The following C20orf203 variants were observed in gnomAD, a reference collection of about 807,000 sequenced individuals.
The protein encoded by C20orf203 is uncharacterized protein C20orf203.
Under a neutral mutation model 15.9 loss-of-function variants are expected in C20orf203, and 16 were observed. The observed-to-expected ratio is 1.01, with a 90% CI of 0.68 to 1.53. The LOEUF is 1.53. Among genes scored for constraint, C20orf203 ranks in the 40% most tolerant of loss-of-function variants. C20orf203 has a pLI of 0.00. For synonymous variants in C20orf203, 98 were observed against 97.2 expected (o/e 1.01, Z -0.05); for missense variants, 263 against 247.5 (o/e 1.06, Z -0.42).
chr20:32,654,462 C>A (rs970551959), intron 1 of C20orf203, among the ~76,000 whole-genome samples: 1 of 152,164 alleles, frequency 6.6e-6, no homozygotes, highest in Non-Finnish European at 1.5e-5. Context: ...AAAATTCCAA[C>A]TTGGTTCTTT....
chr20:32,650,301 C>G lies in C20orf203; in HGVS notation c.*131G>C, dbSNP rs541360415. On this transcript the variant is annotated 3_prime_UTR_variant, in exon 4 of 6. Transcript: ENST00000608990. ...GAATCTCCTTGAGGTTTCAGCTGGG[C>G]GTGCCGGGCCCATCCCCCACTCTGG... 7 of 670,062 alleles carry G rather than the reference C, an allele frequency of 1.0e-5. No individual in the cohort carries two copies. Among genetic ancestry groups the G allele is most frequent in the African/African-American group, 7.3e-5 (4 of 54,888 alleles). The allele number at this position is 670,062 out of a possible 1,614,324, so 41.5% of individuals were successfully genotyped here.
intron 4 of C20orf203, among the ~76,000 whole-genome samples, chr20:32,648,506 C>A (rs1371135891): frequency 1.5e-5 from 2 of 134,754 alleles, no homozygotes; most frequent in African/African-American, 5.6e-5. Flanking sequence ...AGTAGTGTGA[C>A]GGTGGCTCAC....
chr20:32,670,057 C>T (rs1000573376), intron 1 of C20orf203, among the ~76,000 whole-genome samples: 4 of 152,112 alleles, frequency 2.6e-5, no homozygotes, highest in African/African-American at 9.7e-5. Context: ...CAAAACTTAG[C>T]TGGGCATGGT....
chr20:32,669,197 G>T (rs1251276223), intron 1 of C20orf203, among the ~76,000 whole-genome samples: 1 of 152,200 alleles, frequency 6.6e-6, no homozygotes, highest in African/African-American at 2.4e-5. Context: ...GCCTCTCTGG[G>T]ACTCAGTGCC....
chr20:32,632,241 A>C lies in C20orf203; in HGVS notation c.*3329T>G, dbSNP rs1982015878. 6.6e-6 allele frequency: 1 copy of C among 152,202 alleles called. No individual in the cohort carries two copies. Among genetic ancestry groups the C allele is most frequent in the South Asian group, 2.1e-4 (1 of 4,818 alleles). The allele number at this position is 152,202 out of a possible 1,614,324, so 9.4% of individuals were successfully genotyped here. ...CAGTCAGCAAGGTCAGGAGTGGGAG[A>C]GGGGAGAAGGCCTTTCATGGAGCAC... On this transcript the variant is annotated 3_prime_UTR_variant, in exon 6 of 6. Transcript: ENST00000608990.
At chr20:32,638,829 G>A (rs944655781) in intron 5 of C20orf203, among the ~76,000 whole-genome samples, 23 of 152,282 alleles carry the variant, frequency 1.5e-4, no homozygotes, top group African/African-American at 4.3e-4. Flanking sequence ...AAGGGGGGGC[G>A]GGCAGCATCC....
chr20:32,673,933 T>C lies in C20orf203; in HGVS notation c.-565A>G, dbSNP rs1475421441. The C allele has an allele frequency of 1.3e-5, 2 of 152,146 alleles. No homozygotes were observed. Among genetic ancestry groups the C allele is most frequent in the African/African-American group, 4.8e-5 (2 of 41,394 alleles). 9.4% of individuals were successfully genotyped at this position (152,146 alleles called of 1,614,324 possible). A position where few individuals can be genotyped will look rare whatever the true frequency, so the allele number is the denominator to read the frequency against. ...GGAAGAAAAGTCAGCTCAGACCCAC[T>C]GGCTATGTGACCTGGCCCTGCAGGT... On this transcript the variant is annotated 5_prime_UTR_variant, in exon 1 of 6. Transcript: ENST00000608990.
Position 32,645,370 on chromosome 20 carries a change from G to A in C20orf203, c.*1177+3885C>T, listed in dbSNP as rs535452977. ...CGGCTCACTGACCTTCCAGAATCCT[G>A]GCACTCAGGCTGGGGGTGTATGGAG... On this transcript the variant is annotated intron_variant, in intron 4 of 5. Coordinates refer to ENST00000608990, the MANE Select transcript of C20orf203 (RefSeq NM_182584.4). 4.9e-4 allele frequency among the ~76,000 whole-genome samples: 75 copies of A among 152,266 alleles called. No homozygotes were observed. In the South Asian group the frequency reaches 8.1e-3, roughly 16 times the overall value.
chr20:32,634,642 G>T (rs937518125), intron 5 of C20orf203, among the ~76,000 whole-genome samples: 2 of 152,148 alleles, frequency 1.3e-5, no homozygotes, highest in African/African-American at 4.8e-5. Flanking sequence ...CCACGAGAAG[G>T]GGCCACACTT....
intron 1 of C20orf203, among the ~76,000 whole-genome samples, chr20:32,668,519 G>A (rs954595749): frequency 7.9e-5 from 12 of 151,948 alleles, no homozygotes; most frequent in Non-Finnish European, 1.5e-4. Context: ...CCAGCTACTC[G>A]GGAGGGTGAG....
At chr20:32,647,071 GC>G (rs1300499360) in intron 4 of C20orf203, among the ~76,000 whole-genome samples, 6 of 152,204 alleles carry the variant, frequency 3.9e-5, no homozygotes, top group Non-Finnish European at 8.8e-5. Flanking sequence ...AGAGGCTCAT[GC>G]CTCCCCCAGG....
At chr20:32,641,622 C>A (rs1202372965) in intron 4 of C20orf203, among the ~76,000 whole-genome samples, 1 of 152,130 alleles carries the variant, frequency 6.6e-6, no homozygotes. Flanking sequence ...ATATCCTCAC[C>A]AACACTTGTT....
At position 32,666,797 on chromosome 20, in the gene C20orf203, T is replaced by TTATATATATATATATATA. The variant is rs34933326; in HGVS notation, c.-264+6817_-264+6834dup. ...AAAAAAAGATGAAATTAATTTTAAT[T>TTATATATATATATATATA]TATATATATATATATATATATATAT... On this transcript the variant is annotated intron_variant, in intron 1 of 5. Transcript: ENST00000608990. Among the ~76,000 whole-genome samples, 115 of 65,576 alleles carry TTATATATATATATATATA rather than the reference T, an allele frequency of 1.8e-3. 2 individuals are homozygous for TTATATATATATATATATA. Among genetic ancestry groups the TTATATATATATATATATA allele is most frequent in the Middle Eastern group, 0.018 (1 of 56 alleles). 43.0% of individuals were successfully genotyped at this position (65,576 alleles called of 152,430 possible).
At chr20:32,662,535 T>C (rs929510171) in intron 1 of C20orf203, among the ~76,000 whole-genome samples, 6 of 151,586 alleles carry the variant, frequency 4.0e-5, no homozygotes, top group Admixed American at 6.6e-5. Context: ...CGAGACGGAG[T>C]TGCGGTGAGC....
At chr20:32,642,438 A>G (rs1982308686) in intron 4 of C20orf203, among the ~76,000 whole-genome samples, 1 of 152,222 alleles carries the variant, frequency 6.6e-6, no homozygotes, top group Admixed American at 6.5e-5. Flanking sequence ...ACACAGACCA[A>G]GAAGTCCACA....
intron 1 of C20orf203, among the ~76,000 whole-genome samples, chr20:32,673,097 C>G (rs1218349772): frequency 6.6e-6 from 1 of 152,104 alleles, no homozygotes; most frequent in Non-Finnish European, 1.5e-5. Flanking sequence ...CTCTCTGTGT[C>G]CCACCTCACA....
chr20:32,663,806 A>G (rs1396287147), intron 1 of C20orf203, among the ~76,000 whole-genome samples: 1 of 152,160 alleles, frequency 6.6e-6, no homozygotes, highest in Non-Finnish European at 1.5e-5. Flanking sequence ...GAGGCCTAGG[A>G]CGGCCTGCAC....
intron 1 of C20orf203, chr20:32,657,609 C>A (rs1030817190): frequency 3.3e-5 from 5 of 151,826 alleles, no homozygotes; most frequent in Admixed American, 3.3e-4. Context: ...CATTTACTAA[C>A]ATCGATGAGG....
chr20:32,669,149 T>A (rs1354815117), intron 1 of C20orf203, among the ~76,000 whole-genome samples: 2 of 152,208 alleles, frequency 1.3e-5, no homozygotes, highest in Non-Finnish European at 2.9e-5. Context: ...TGCCCCAGCC[T>A]CTGCCCAACT....
Sources: gnomAD v4.1 joint callset for allele counts (sites outside exome capture counted in the v4.1 genomes callset) on GRCh38, gnomAD v4.1.1 for gene constraint, MANE v1.5 for transcripts, NCBI Gene and HGNC (gene_info 2026-07-23, HGNC 2026-07-21) for gene names.